The following ZNF585A variants were observed in gnomAD, a reference collection of about 807,000 sequenced individuals.
The protein encoded by ZNF585A is zinc finger protein 585A.
Under a neutral mutation model 14.9 loss-of-function variants are expected in ZNF585A, and 9 were observed. The ratio of observed to expected loss-of-function variants is 0.60; its 90% confidence interval spans 0.36 to 1.05. The LOEUF (loss-of-function observed/expected upper bound fraction) is 1.05, where lower values mean the gene tolerates loss of function less well. Among genes scored for constraint, ZNF585A ranks in the 50% least tolerant of loss-of-function variants. ZNF585A has a pLI of 0.01. For missense variants in ZNF585A, 726 were observed against 926.4 expected (o/e 0.78, Z 2.81); for synonymous variants, 276 against 319.9 (o/e 0.86, Z 1.46).
Position 37,155,847 on chromosome 19 carries a change from C to T in ZNF585A, c.292+18G>A. 2 of 1,612,012 alleles carry T rather than the reference C, an allele frequency of 1.2e-6. No individual in the cohort carries two copies. The highest frequency in any genetic ancestry group is 2.7e-5 in the African/African-American group (2 of 74,956). ...CCTCCCATCTCCCATCTACCGGATT[C>T]ACACTCGCTTCACTCACCTGGGCAG... On this transcript the variant is annotated intron_variant, in intron 4 of 4. Transcript: ENST00000292841.
chr19:37,164,233 C>T (rs1972053531), intron 2 of ZNF585A, among the ~76,000 whole-genome samples: 1 of 151,704 alleles, frequency 6.6e-6, no homozygotes, highest in African/African-American at 2.4e-5. Flanking sequence ...CCTGGCTAGT[C>T]TCTACCAAAA....
chr19:37,163,084 C>CA (rs1599753276), intron 2 of ZNF585A, among the ~76,000 whole-genome samples: 1 of 152,050 alleles, frequency 6.6e-6, no homozygotes, highest in Non-Finnish European at 1.5e-5. Context: ...CCCCAGCCCC[C>CA]AAAACTAATG....
chr19:37,158,306 T>C (rs886545107), intron 2 of ZNF585A, among the ~76,000 whole-genome samples: 42 of 152,294 alleles, frequency 2.8e-4, no homozygotes, highest in African/African-American at 9.6e-4. Flanking sequence ...TTAATGGCTG[T>C]TGGAATGTTT....
chr19:37,160,660 A>C (rs1971999723), intron 2 of ZNF585A, among the ~76,000 whole-genome samples: 1 of 152,074 alleles, frequency 6.6e-6, no homozygotes, highest in South Asian at 2.1e-4. Flanking sequence ...TGAGAAAAAT[A>C]AACACTCCAA....
intron 2 of ZNF585A, among the ~76,000 whole-genome samples, chr19:37,164,295 C>T (rs1294360267): frequency 6.6e-6 from 1 of 151,620 alleles, no homozygotes; most frequent in Non-Finnish European, 1.5e-5. Context: ...CCCAGCTACT[C>T]GGGAGGCTGA....
At chr19:37,154,001 C>T (rs186963104) in intron 4 of ZNF585A, among the ~76,000 whole-genome samples, 5 of 152,162 alleles carry the variant, frequency 3.3e-5, no homozygotes, top group African/African-American at 9.6e-5. Flanking sequence ...TCAGAGATTC[C>T]GTGCTATAAG....
chr19:37,150,193 G>A lies in ZNF585A; in HGVS notation c.*1396C>T, dbSNP rs900087104. 6 of 152,056 alleles carry A rather than the reference G, an allele frequency of 3.9e-5. No homozygotes were observed. The highest frequency in any genetic ancestry group is 7.3e-5 in the Non-Finnish European group (5 of 68,062). 9.4% of individuals were successfully genotyped at this position (152,056 alleles called of 1,614,324 possible). On this transcript the variant is annotated 3_prime_UTR_variant, in exon 5 of 5. Coordinates refer to ENST00000292841, the MANE Select transcript of ZNF585A (RefSeq NM_001288800.2). ...TGGTTCATTGTAAGTCACCGCCATT[G>A]CCTGAGGGGAAGGAAGAAAGTTAAC...
At chr19:37,159,329 A>G (rs1408796837) in intron 2 of ZNF585A, among the ~76,000 whole-genome samples, 1 of 151,572 alleles carries the variant, frequency 6.6e-6, no homozygotes, top group Non-Finnish European at 1.5e-5. Flanking sequence ...AGGGATCTTT[A>G]TACTATTATC....
At chr19:37,158,679 A>C (rs1568496007) in intron 2 of ZNF585A, among the ~76,000 whole-genome samples, 1 of 152,226 alleles carries the variant, frequency 6.6e-6, no homozygotes, top group Non-Finnish European at 1.5e-5. Context: ...ACCAAAGGCA[A>C]CTTGTGGACT....
rs1323363619 is a variant in ZNF585A at position 37,148,220 on chromosome 19, A to C, written c.*3369T>G. 6.6e-6 allele frequency: 1 copy of C among 152,206 alleles called. No individual in the cohort carries two copies. Among genetic ancestry groups the C allele is most frequent in the Non-Finnish European group, 1.5e-5 (1 of 68,034 alleles). 9.4% of individuals were successfully genotyped at this position (152,206 alleles called of 1,614,324 possible). On this transcript the variant is annotated 3_prime_UTR_variant, in exon 5 of 5. Coordinates refer to ENST00000292841, the MANE Select transcript of ZNF585A (RefSeq NM_001288800.2). ...TTTTAGCCATTCTAAAAGCCATTCTATAGTAGTATCTCATTGTGGTTTGAT... is the reference window on the plus strand; with the variant it reads ...TTTTAGCCATTCTAAAAGCCATTCTCTAGTAGTATCTCATTGTGGTTTGAT...
Position 37,153,438 on chromosome 19 carries a change from C to T in ZNF585A, c.461G>A (p.Gly154Glu). 1 of 1,614,172 alleles carries T rather than the reference C, an allele frequency of 6.2e-7. No individual in the cohort carries two copies. Residue 154 changes from glycine (G) to glutamate (E), a missense_variant, in exon 5 of 5, where the codon GGA becomes GAA. Transcript: ENST00000292841. ...QLKVHLKVLA[G>E]EKLYVCIECG... ...TTCAATGCATACATAGAGCTTTTCT[C>T]CTGCAAGAACTTTCAGGTGTACTTT...
chr19:37,162,625 A>T (rs1010013591), intron 2 of ZNF585A, among the ~76,000 whole-genome samples: 4 of 152,232 alleles, frequency 2.6e-5, no homozygotes, highest in African/African-American at 9.6e-5. Flanking sequence ...GTCTATATAT[A>T]CACCATGGAA....
In ZNF585A at chr19:37,146,020, G is replaced by A. The variant is rs999595337; in HGVS notation, c.*5569C>T. ...ACTGTAAGTGGTATGCTATGGCATG[G>A]TGTACGGTATGGTACGGTATGAGGA... On this transcript the variant is annotated 3_prime_UTR_variant, in exon 5 of 5. Transcript: ENST00000292841. 2.0e-5 allele frequency: 3 copies of A among 152,150 alleles called. No individual in the cohort carries two copies. Among genetic ancestry groups the A allele is most frequent in the African/African-American group, 7.2e-5 (3 of 41,426 alleles). The allele number at this position is 152,150 out of a possible 1,614,324, so 9.4% of individuals were successfully genotyped here. A position where few individuals can be genotyped will look rare whatever the true frequency, so the allele number is the denominator to read the frequency against.
At position 37,155,941 on chromosome 19, in the gene ZNF585A, T is replaced by A; in HGVS notation, c.216A>T (p.Glu72Asp). The A allele has an allele frequency of 6.2e-7, 1 of 1,613,440 alleles. No homozygotes were observed. Among genetic ancestry groups the A allele is most frequent in the Non-Finnish European group, 8.5e-7 (1 of 1,180,022 alleles). ...HLLSVGYQVP[E>D]AEVVMLEQGK... ...CTTGCTCCAACATGACCACCTCTGC[T>A]TCAGGAACTTGATATCCTGTTCATG... The change falls in exon 4 of 5, where the codon GAA (glutamate) becomes GAT (aspartate). Residue 72 changes from glutamate to aspartate, a missense_variant. Glu to Asp is a conservative substitution (Grantham distance 45). Around this residue, in one of 2 missense-constraint regions of ZNF585A, gnomAD observed 483 missense variants for 542.8 expected, o/e 0.89. Transcript: ENST00000292841.
rs1971867284 is a variant in ZNF585A at position 37,153,192 on chromosome 19, T to G, written c.707A>C (p.His236Pro). The change falls in exon 5 of 5, where the codon CAT (histidine) becomes CCT (proline). Residue 236 changes from histidine (H) to proline (P), a missense_variant. Physicochemically the swap from His to Pro is moderately conservative, Grantham distance 77. Around this residue, in one of 2 missense-constraint regions of ZNF585A, gnomAD observed 483 missense variants for 542.8 expected, o/e 0.89. Transcript: ENST00000292841. Reference sequence around the variant, plus strand: ...GCATTCATGGTGTCTCTCTCCAGTATGAATTTTCTCATGTATACTGAGATC... The same window carrying G: ...GCATTCATGGTGTCTCTCTCCAGTAGGAATTTTCTCATGTATACTGAGATC... ...NSDLSIHEKI[H>P]TGERHHECTD... The G allele has an allele frequency of 6.2e-7, 1 of 1,614,216 alleles. No homozygotes were observed. Among genetic ancestry groups the G allele is most frequent in the African/African-American group, 1.3e-5 (1 of 75,062 alleles).
Position 37,148,057 on chromosome 19 carries a change from T to C in ZNF585A, c.*3532A>G, listed in dbSNP as rs1433069717. ...ACCTAAGTGTGGAGTTGCTGAGTCA[T>C]ATGATAAATGTATGGTTAATAGTAT... On this transcript the variant is annotated 3_prime_UTR_variant, in exon 5 of 5. Transcript: ENST00000292841. The C allele has an allele frequency of 6.6e-6, 1 of 152,232 alleles. No individual in the cohort carries two copies. Among genetic ancestry groups the C allele is most frequent in the African/African-American group, 2.4e-5 (1 of 41,468 alleles). 9.4% of individuals were successfully genotyped at this position (152,232 alleles called of 1,614,324 possible). A position where few individuals can be genotyped will look rare whatever the true frequency, so the allele number is the denominator to read the frequency against.
At chr19:37,160,938 G>A (rs866667673) in intron 2 of ZNF585A, among the ~76,000 whole-genome samples, 6 of 151,858 alleles carry the variant, frequency 4.0e-5, no homozygotes, top group Middle Eastern at 3.4e-3. Context: ...CGTGATCATC[G>A]GTCACTGCAG....
rs1265330581 is a variant in ZNF585A, at chr19:37,145,933, T to C, written c.*5656A>G. ...GGATTCTGATATTTGTTATAAAGTA[T>C]AATTGTGTTGATTATATTTAAAACC... On this transcript the variant is annotated 3_prime_UTR_variant, in exon 5 of 5. Transcript: ENST00000292841. The C allele has an allele frequency of 6.6e-6, 1 of 152,202 alleles. No homozygotes were observed. The highest frequency in any genetic ancestry group is 2.4e-5 in the African/African-American group (1 of 41,448). 9.4% of individuals were successfully genotyped at this position (152,202 alleles called of 1,614,324 possible).
chr19:37,160,343 A>AAAATAAATAAAT (rs148963406), intron 2 of ZNF585A, among the ~76,000 whole-genome samples: 105 of 138,942 alleles, frequency 7.6e-4, no homozygotes, highest in East Asian at 1.3e-3. Flanking sequence ...ACCTGTCTCA[A>AAAATAAATAAAT]AAATAAATAA....
Sources: allele counts gnomAD v4.1 joint callset (sites outside exome capture counted in the v4.1 genomes callset), GRCh38; gene constraint gnomAD v4.1.1; regional missense constraint gnomAD v4.1.1; transcripts MANE v1.5; gene names NCBI Gene and HGNC (gene_info 2026-07-23, HGNC 2026-07-21).